Variants in FAR1 observed in about 807,000 individuals in gnomAD.
FAR1 encodes fatty acyl-CoA reductase 1.
FAR1 carries 22 observed loss-of-function variants against 61.1 expected under a neutral mutation model. That is an observed-to-expected ratio of 0.36 (90% CI 0.26 to 0.51). The LOEUF is 0.51. Among genes scored for constraint, FAR1 ranks in the 20% least tolerant of loss-of-function variants. The probability of loss-of-function intolerance (pLI) is 0.95; values close to 1 mark genes in which losing one functional copy is unlikely to be tolerated. For synonymous variants in FAR1, 206 were observed against 209.7 expected (o/e 0.98, Z 0.15); for missense variants, 359 against 626.9 (o/e 0.57, Z 4.56).
At chr11:13,683,913 A>G (rs142418226) in intron 1 of FAR1, among the ~76,000 whole-genome samples, 5 of 152,354 alleles carry the variant, frequency 3.3e-5, no homozygotes, top group South Asian at 2.1e-4. Context: ...AGTCCTTACA[A>G]ATATACCTGT....
At chr11:13,718,579 CAT>C (rs1397550582) in intron 9 of FAR1, among the ~76,000 whole-genome samples, 3 of 152,196 alleles carry the variant, frequency 2.0e-5, no homozygotes, top group Non-Finnish European at 4.4e-5. Flanking sequence ...GCCAATACCA[CAT>C]GTTTTAGGTT....
chr11:13,684,244 A>G (rs1001961220), intron 1 of FAR1, among the ~76,000 whole-genome samples: 4 of 152,196 alleles, frequency 2.6e-5, no homozygotes, highest in African/African-American at 9.6e-5. Flanking sequence ...TTTTTAATAC[A>G]TTTTCCATCT....
At chr11:13,707,380 C>T (rs1344068960) in intron 3 of FAR1, among the ~76,000 whole-genome samples, 1 of 152,036 alleles carries the variant, frequency 6.6e-6, no homozygotes, top group Non-Finnish European at 1.5e-5. Flanking sequence ...GGATTGATTG[C>T]TACAAAGAGG....
At chr11:13,725,936 G>T (rs1157961743) in intron 10 of FAR1, among the ~76,000 whole-genome samples, 1 of 148,972 alleles carries the variant, frequency 6.7e-6, no homozygotes, top group African/African-American at 2.5e-5. Context: ...TTTTTTGGCC[G>T]CCCTTTAGAT....
In FAR1 at chr11:13,726,992, G is replaced by A. The variant is rs137983996; in HGVS notation, c.1258-564G>A. On this transcript the variant is annotated intron_variant, in intron 10 of 11. Coordinates refer to ENST00000354817, the MANE Select transcript of FAR1 (RefSeq NM_032228.6). ...GAGCAATGCATAGCCCTCTTACTTT[G>A]CCATAACATTTCTGAAGGCTTTCTT... is the stretch of plus-strand genomic sequence containing the variant. Among the ~76,000 whole-genome samples, 40 of 151,910 alleles carry A rather than the reference G, an allele frequency of 2.6e-4. No homozygotes were observed. In the East Asian group the frequency reaches 5.8e-3, roughly 22 times the overall value.
At position 13,694,801 on chromosome 11, in the gene FAR1, C is replaced by T. The variant is rs61741588; in HGVS notation, c.36C>T (p.Asn12=). 4.6e-5 allele frequency: 75 copies of T among 1,613,590 alleles called. No homozygotes were observed. Among genetic ancestry groups the T allele is most frequent in the Middle Eastern group, 1.6e-4 (1 of 6,084 alleles). Residue 12 remains asparagine (N), a synonymous_variant, in exon 2 of 12, where the codon AAC becomes AAT. Transcript: ENST00000354817. ...VSIPEYYEGK[N]VLLTGATGFL... ...TCCCAGAATACTATGAAGGCAAGAA[C>T]GTCCTCCTCACAGGAGCTACCGGTT...
chr11:13,719,646 A>G (rs1454565204), intron 9 of FAR1, among the ~76,000 whole-genome samples: 3 of 152,150 alleles, frequency 2.0e-5, no homozygotes, highest in Admixed American at 2.0e-4. Context: ...CCAGGTATCT[A>G]TTTTTAATCT....
At chr11:13,671,220 G>C (rs745438450) in intron 1 of FAR1, among the ~76,000 whole-genome samples, 10 of 152,206 alleles carry the variant, frequency 6.6e-5, no homozygotes, top group Non-Finnish European at 1.0e-4. Flanking sequence ...GAGCCATCAT[G>C]TGAACTAGAA....
chr11:13,686,359 C>T (rs1461457045), intron 1 of FAR1, among the ~76,000 whole-genome samples: 1 of 152,134 alleles, frequency 6.6e-6, no homozygotes, highest in Non-Finnish European at 1.5e-5. Flanking sequence ...CCGCATACCC[C>T]ACTTCTTATA....
intron 1 of FAR1, among the ~76,000 whole-genome samples, chr11:13,689,078 C>T (rs1346056096): frequency 6.6e-6 from 1 of 152,136 alleles, no homozygotes; most frequent in Non-Finnish European, 1.5e-5. Flanking sequence ...AGAAATCAAT[C>T]AAAATTAAGT....
chr11:13,710,982 A>G, intron 5 of FAR1, 112 bp downstream of exon 5: 1 of 903,706 alleles, frequency 1.1e-6, no homozygotes, highest in Non-Finnish European at 1.7e-6. Flanking sequence ...CTAAAGGTGA[A>G]TTACCATGGC....
chr11:13,713,142 A>G (rs1848517975), intron 8 of FAR1, 109 bp downstream of exon 8: 1 of 902,842 alleles, frequency 1.1e-6, no homozygotes. Flanking sequence ...CTGAGTTACC[A>G]ATTTGTTCTT....
intron 4 of FAR1, 38 bp from the exon 5 acceptor site, chr11:13,710,655 A>C: frequency 6.6e-7 from 1 of 1,513,338 alleles, no homozygotes; most frequent in Non-Finnish European, 8.8e-7. Flanking sequence ...TTATAGTAAA[A>C]TATCTGGAAA....
rs1443414219 is a variant in FAR1, at chr11:13,671,261, G to GA, written c.-8+2456dup. Among the ~76,000 whole-genome samples, 4 of 152,302 alleles carry GA rather than the reference G, an allele frequency of 2.6e-5. No homozygotes were observed. In the East Asian group the frequency reaches 7.7e-4, roughly 29 times the overall value. ...GATGTGGGTTATTACAAGACATGAG[G>GA]ATGACATTCCAGTAGTTTGTACTTG... On this transcript the variant is annotated intron_variant, in intron 1 of 11. Transcript: ENST00000354817.
chr11:13,714,415 TA>T, intron 8 of FAR1, 93 bp from the exon 9 acceptor site: 1 of 1,252,902 alleles, frequency 8.0e-7, no homozygotes, highest in Non-Finnish European at 1.1e-6. Context: ...ACATCTTTGG[TA>T]AAATATTTTG....
At chr11:13,713,985 T>C (rs1323223006) in intron 8 of FAR1, among the ~76,000 whole-genome samples, 1 of 152,120 alleles carries the variant, frequency 6.6e-6, no homozygotes, top group African/African-American at 2.4e-5. Flanking sequence ...ACATTTCTAG[T>C]AAAGTATTAA....
At chr11:13,670,822 C>A (rs1034598237) in intron 1 of FAR1, among the ~76,000 whole-genome samples, 2 of 151,144 alleles carry the variant, frequency 1.3e-5, no homozygotes, top group Non-Finnish European at 2.9e-5. Flanking sequence ...AGGCTGGAGG[C>A]AGAGACTGAG....
chr11:13,718,891 T>C (rs1848580846), intron 9 of FAR1, among the ~76,000 whole-genome samples: 1 of 152,094 alleles, frequency 6.6e-6, no homozygotes. Context: ...TGTCATACCC[T>C]CTCCATGTGG....
At chr11:13,690,933 T>C (rs1848242629) in intron 1 of FAR1, among the ~76,000 whole-genome samples, 1 of 152,236 alleles carries the variant, frequency 6.6e-6, no homozygotes, top group Non-Finnish European at 1.5e-5. Flanking sequence ...TTTTCTATCC[T>C]TTTCCAATTC....
Sources: allele counts gnomAD v4.1 joint callset (sites outside exome capture counted in the v4.1 genomes callset), GRCh38; gene constraint gnomAD v4.1.1; transcripts MANE v1.5; gene names NCBI Gene and HGNC (gene_info 2026-07-23, HGNC 2026-07-21).